Variants in WDR41 observed in about 807,000 individuals in gnomAD.
WDR41 encodes the protein WD repeat domain 41.
WDR41 carries 63 observed loss-of-function variants against 69.3 expected under a neutral mutation model. That is an observed-to-expected ratio of 0.91 (90% CI 0.74 to 1.12). The LOEUF is 1.12. Ranked by LOEUF, WDR41 falls within the 50% of genes most tolerant of loss-of-function variation. The probability of loss-of-function intolerance (pLI) is 0.00; values close to 1 mark genes in which losing one functional copy is unlikely to be tolerated. For missense variants in WDR41, 543 were observed against 534.5 expected (o/e 1.02, Z -0.16); for synonymous variants, 185 against 192.1 (o/e 0.96, Z 0.31).
At position 77,492,227 on chromosome 5, in the gene WDR41, A is replaced by G. The variant is rs779753631; in HGVS notation, c.-7T>C. The G allele has an allele frequency of 2.5e-6, 4 of 1,612,514 alleles. No individual in the cohort carries two copies. The highest frequency in any genetic ancestry group is 1.1e-5 in the South Asian group (1 of 90,768). On this transcript the variant is annotated 5_prime_UTR_variant, in exon 1 of 13. Transcript: ENST00000296679. ...CGATCAGCCATCGCAACATCCGGGC[A>G]GCGGCGGCGTCTTGCCCGGTCCAGC...
At chr5:77,614,407 C>A (rs1200926652) in intron 1 of WDR41, among the ~76,000 whole-genome samples, 4 of 150,664 alleles carry the variant, frequency 2.7e-5, no homozygotes, top group African/African-American at 7.3e-5. Context: ...AAATGTCCAA[C>A]AATGATAGAC....
intron 3 of WDR41, among the ~76,000 whole-genome samples, chr5:77,463,872 G>T (rs1800174891): frequency 6.6e-6 from 1 of 152,016 alleles, no homozygotes; most frequent in African/African-American, 2.4e-5. Flanking sequence ...TAATGTTAAA[G>T]AACTGATTTT....
chr5:77,494,041 T>G (rs562187229), upstream of WDR41, among the ~76,000 whole-genome samples: 1 of 151,412 alleles, frequency 6.6e-6, no homozygotes, highest in African/African-American at 2.4e-5. Flanking sequence ...AGGGTGGGGG[T>G]GGAGCAATAT....
intron 1 of WDR41, among the ~76,000 whole-genome samples, chr5:77,580,654 T>C (rs1580024112): frequency 6.6e-6 from 1 of 151,446 alleles, no homozygotes. Flanking sequence ...GGAAAAAAAA[T>C]ATATAAAAAA....
At chr5:77,617,370 T>G (rs1295416269) in intron 1 of WDR41, among the ~76,000 whole-genome samples, 2 of 152,002 alleles carry the variant, frequency 1.3e-5, no homozygotes, top group African/African-American at 4.8e-5. Context: ...AAAATAATTT[T>G]CTGTCTCTCT....
intron 9 of WDR41, among the ~76,000 whole-genome samples, chr5:77,440,255 C>T (rs1463439186): frequency 1.3e-5 from 2 of 152,116 alleles, no homozygotes; most frequent in Non-Finnish European, 2.9e-5. Flanking sequence ...ATTTTCTGAG[C>T]CCCTGATGCT....
intron 1 of WDR41, among the ~76,000 whole-genome samples, chr5:77,597,715 A>G (rs1016376843): frequency 6.6e-6 from 1 of 152,218 alleles, no homozygotes; most frequent in Non-Finnish European, 1.5e-5. Context: ...TATAGGCACT[A>G]AACAAATATC....
intron 1 of WDR41, among the ~76,000 whole-genome samples, chr5:77,600,930 T>A (rs1744311926): frequency 3.7e-5 from 1 of 27,370 alleles, no homozygotes; most frequent in Non-Finnish European, 6.7e-5. Flanking sequence ...TCTGTGTGTA[T>A]GTGTGTGTGT....
At chr5:77,447,217 C>T (rs1039013809) in intron 8 of WDR41, among the ~76,000 whole-genome samples, 1 of 152,130 alleles carries the variant, frequency 6.6e-6, no homozygotes, top group Non-Finnish European at 1.5e-5. Context: ...AATGAGATAC[C>T]ATCTCACACC....
intron 1 of WDR41, among the ~76,000 whole-genome samples, chr5:77,537,319 A>G (rs991994720): frequency 6.6e-6 from 1 of 152,232 alleles, no homozygotes; most frequent in Admixed American, 6.5e-5. Flanking sequence ...TTTACTCACC[A>G]GTCCCTGGAA....
intron 1 of WDR41, among the ~76,000 whole-genome samples, chr5:77,519,013 A>C (rs1404775072): frequency 1.3e-5 from 2 of 152,108 alleles, no homozygotes; most frequent in Non-Finnish European, 2.9e-5. Context: ...CAAGGTCTTT[A>C]GCTAAGTGCT....
In WDR41 at chr5:77,433,022, T is replaced by C. The variant is rs963421185; in HGVS notation, c.*113A>G. Reference sequence around the variant, plus strand: ...AAAAATTTAAACATGTAGAATTTTATGGACTGACAAAAAAAATTACCAATT... The same window carrying C: ...AAAAATTTAAACATGTAGAATTTTACGGACTGACAAAAAAAATTACCAATT... On this transcript the variant is annotated 3_prime_UTR_variant, in exon 13 of 13. Coordinates refer to ENST00000296679, the MANE Select transcript of WDR41 (RefSeq NM_018268.4). 3.2e-6 allele frequency: 4 copies of C among 1,254,026 alleles called. No homozygotes were observed. The highest frequency in any genetic ancestry group is 3.1e-5 in the African/African-American group (2 of 65,268). The allele number at this position is 1,254,026 out of a possible 1,614,324, so 77.7% of individuals were successfully genotyped here. A position where few individuals can be genotyped will look rare whatever the true frequency, so the allele number is the denominator to read the frequency against.
chr5:77,475,279 C>A lies in WDR41; in HGVS notation c.168-10470G>T, dbSNP rs569436388. On this transcript the variant is annotated intron_variant, in intron 2 of 12. Coordinates refer to ENST00000296679, the MANE Select transcript of WDR41 (RefSeq NM_018268.4). The stretch of plus-strand genomic sequence containing the variant: ...TTGCCCAGACTTGCTTAGGTAAACA[C>A]AGCAGCCAGAAAGCTCCAACTGGGT... Among the ~76,000 whole-genome samples the A allele has an allele frequency of 1.5e-3, 227 of 152,368 alleles. 3 individuals carry two copies. Among genetic ancestry groups the A allele is most frequent in the African/African-American group, 5.2e-3 (215 of 41,584 alleles).
chr5:77,617,163 A>T (rs552140805), intron 1 of WDR41, among the ~76,000 whole-genome samples: 1 of 152,374 alleles, frequency 6.6e-6, no homozygotes, highest in Non-Finnish European at 1.5e-5. Context: ...TATAATAGCC[A>T]CAAGCCACAT....
At chr5:77,506,892 G>T (rs541921079) in intron 1 of WDR41, among the ~76,000 whole-genome samples, 75 of 152,164 alleles carry the variant, frequency 4.9e-4, no homozygotes, top group African/African-American at 1.6e-3. Flanking sequence ...TGTAGGGGGT[G>T]GGGAGCTGGG....
intron 8 of WDR41, among the ~76,000 whole-genome samples, chr5:77,446,362 A>G (rs1054088617): frequency 4.6e-5 from 7 of 152,254 alleles, no homozygotes; most frequent in African/African-American, 1.4e-4. Flanking sequence ...AGTAATTTAC[A>G]GATTCAATGC....
intron 1 of WDR41, among the ~76,000 whole-genome samples, chr5:77,527,319 C>T (rs1477344998): frequency 6.6e-6 from 1 of 151,750 alleles, no homozygotes; most frequent in East Asian, 1.9e-4. Flanking sequence ...ATGCAAACAT[C>T]TACAAAGAGG....
upstream of WDR41, among the ~76,000 whole-genome samples, chr5:77,497,072 C>T (rs1286560975): frequency 1.3e-5 from 2 of 152,152 alleles, no homozygotes; most frequent in African/African-American, 4.8e-5. Context: ...GGATCCTTAT[C>T]TTATACCATA....
chr5:77,606,736 G>C (rs1200470743), intron 1 of WDR41, among the ~76,000 whole-genome samples: 1 of 151,908 alleles, frequency 6.6e-6, no homozygotes, highest in African/African-American at 2.4e-5. Flanking sequence ...CCAGGAGTTT[G>C]AGGCTGCACC....
Sources: allele counts gnomAD v4.1 joint callset (sites outside exome capture counted in the v4.1 genomes callset), GRCh38; gene constraint gnomAD v4.1.1; transcripts MANE v1.5; gene names NCBI Gene and HGNC (gene_info 2026-07-23, HGNC 2026-07-21).